SFI1: variants seen among roughly 807,000 people sequenced by gnomAD.
The protein encoded by SFI1 is SFI1 centrin binding protein.
A neutral mutation model predicts 207.5 loss-of-function variants in SFI1; 195 were observed. The observed-to-expected ratio is 0.94, with a 90% confidence interval of 0.84 to 1.06. The LOEUF (loss-of-function observed/expected upper bound fraction) is 1.06. Among genes scored for constraint, SFI1 ranks in the 50% least tolerant of loss-of-function variants. The pLI is 0.00. For missense variants in SFI1, 1,634 were observed against 1,588.0 expected (o/e 1.03, Z -0.49); for synonymous variants, 630 against 598.9 (o/e 1.05, Z -0.76).
At chr22:31,570,916 G>A (rs2062879096) in intron 8 of SFI1, among the ~76,000 whole-genome samples, 1 of 152,196 alleles carries the variant, frequency 6.6e-6, no homozygotes, top group South Asian at 2.1e-4. Flanking sequence ...AGACACTTCT[G>A]GCAGGTCAAG....
intron 8 of SFI1, among the ~76,000 whole-genome samples, chr22:31,563,881 C>G (rs2061983570): frequency 6.6e-6 from 1 of 150,998 alleles, no homozygotes; most frequent in Admixed American, 6.6e-5. Flanking sequence ...GCCACCACAC[C>G]CAGCCTACAC....
intron 4 of SFI1, among the ~76,000 whole-genome samples, chr22:31,534,249 T>C (rs1221727632): frequency 6.6e-6 from 1 of 152,180 alleles, no homozygotes; most frequent in African/African-American, 2.4e-5. Flanking sequence ...CACCTCGGCC[T>C]CCCAAAGTGC....
At chr22:31,552,507 C>T (rs903008979) in intron 6 of SFI1, among the ~76,000 whole-genome samples, 1 of 152,174 alleles carries the variant, frequency 6.6e-6, no homozygotes, top group African/African-American at 2.4e-5. Context: ...CTGCCTCGGC[C>T]TCCCAAAGTA....
At chr22:31,505,450 AAG>A (rs1482694314) in intron 1 of SFI1, among the ~76,000 whole-genome samples, 2 of 141,360 alleles carry the variant, frequency 1.4e-5, no homozygotes, top group African/African-American at 4.9e-5. Flanking sequence ...AAAAAAGAAA[AAG>A]AAAAAGAAAA....
chr22:31,617,063 C>A lies in SFI1; in HGVS notation c.3497C>A (p.Thr1166Asn). 6.2e-7 allele frequency: 1 copy of A among 1,614,040 alleles called. No homozygotes were observed. The highest frequency in any genetic ancestry group is 8.5e-7 in the Non-Finnish European group (1 of 1,180,014). Reference sequence around the variant, plus strand: ...CAGCAACTACTGCACTACCAGACCACCAAGCAGAACCTCTGGTGAGCCCTG... The same window carrying A: ...CAGCAACTACTGCACTACCAGACCAACAAGCAGAACCTCTGGTGAGCCCTG... ...IQQQLLHYQTTKQNLWSCRRQ... is the reference protein window; with the variant it reads ...IQQQLLHYQTNKQNLWSCRRQ... The change falls in exon 31 of 33, where the codon ACC (threonine) becomes AAC (asparagine). Residue 1166 changes from threonine to asparagine, a missense_variant. Coordinates refer to ENST00000400288, the MANE Select transcript of SFI1 (RefSeq NM_001007467.3).
intron 1 of SFI1, 52 bp downstream of exon 1, chr22:31,496,689 G>A (rs2052698840): frequency 6.6e-6 from 1 of 152,204 alleles, no homozygotes; most frequent in Non-Finnish European, 1.5e-5. Flanking sequence ...CGGCCTTTCC[G>A]GCAGTGAGCC....
chr22:31,522,004 A>T (rs1467885383), intron 2 of SFI1, among the ~76,000 whole-genome samples: 1 of 147,754 alleles, frequency 6.8e-6, no homozygotes, highest in Non-Finnish European at 1.5e-5. Context: ...GCCTCGAGGG[A>T]TCCACCTGCC....
At chr22:31,539,464 T>C (rs746576462) in intron 4 of SFI1, among the ~76,000 whole-genome samples, 11 of 152,230 alleles carry the variant, frequency 7.2e-5, no homozygotes, top group Non-Finnish European at 1.2e-4. Flanking sequence ...GTTCTCTGCA[T>C]GTTCCCTTTT....
intron 8 of SFI1, 70 bp from the exon 9 acceptor site, chr22:31,572,988 C>T (rs901251174): frequency 4.7e-6 from 7 of 1,500,708 alleles, no homozygotes; most frequent in African/African-American, 4.2e-5. Flanking sequence ...TTTCTCTTTT[C>T]CCTCTCCACC....
intron 12 of SFI1, 26 bp from the exon 13 acceptor site, chr22:31,583,849 T>C (rs1569383941): frequency 3.1e-6 from 5 of 1,596,468 alleles, no homozygotes; most frequent in Non-Finnish European, 4.3e-6. Flanking sequence ...TCAGTACATT[T>C]CCATCTTCTT....
At chr22:31,542,053 A>G (rs1490707928) in intron 4 of SFI1, among the ~76,000 whole-genome samples, 2 of 146,176 alleles carry the variant, frequency 1.4e-5, no homozygotes, top group African/African-American at 5.1e-5. Flanking sequence ...GTGAGCCGAG[A>G]TCACACCACT....
chr22:31,546,698 A>C (rs903857067), intron 4 of SFI1, among the ~76,000 whole-genome samples, 163 bp from the exon 5 acceptor site: 1 of 140,402 alleles, frequency 7.1e-6, no homozygotes, highest in African/African-American at 2.7e-5. Context: ...CGATCTCCTG[A>C]CCTTGTGATC....
intron 8 of SFI1, among the ~76,000 whole-genome samples, chr22:31,571,479 A>AT (rs976100643): frequency 0.055 from 7,784 of 142,262 alleles, 199 homozygotes; most frequent in African/African-American, 0.079. Flanking sequence ...TGCCTGGCTA[A>AT]TTTTTTTTTT....
chr22:31,609,131 G>A (rs574900594), intron 22 of SFI1, among the ~76,000 whole-genome samples: 68 of 152,072 alleles, frequency 4.5e-4, no homozygotes, highest in Non-Finnish European at 8.7e-4. Context: ...CCAGAGTAGC[G>A]GGGACTACAG....
chr22:31,503,252 G>T (rs2054102125), intron 1 of SFI1, among the ~76,000 whole-genome samples: 1 of 151,982 alleles, frequency 6.6e-6, no homozygotes, highest in South Asian at 2.1e-4. Flanking sequence ...GACTTTTCCA[G>T]TCTCCTGCCT....
At chr22:31,580,245 A>T in intron 11 of SFI1, 27 bp from the exon 12 acceptor site, 1 of 1,554,036 alleles carries the variant, frequency 6.4e-7, no homozygotes, top group East Asian at 2.2e-5. Flanking sequence ...CAGTCCTTGT[A>T]ATCAGTTGTG....
chr22:31,537,314 C>T (rs2059091301), intron 4 of SFI1, among the ~76,000 whole-genome samples: 1 of 152,142 alleles, frequency 6.6e-6, no homozygotes, highest in African/African-American at 2.4e-5. Context: ...TCTGCTTCTG[C>T]CTCATTGGCC....
At chr22:31,553,838 GTTTTTTTTT>G (rs58333559) in intron 6 of SFI1, among the ~76,000 whole-genome samples, 8 of 26,308 alleles carry the variant, frequency 3.0e-4, no homozygotes, top group South Asian at 1.9e-3. Flanking sequence ...AATGGATTAT[GTTTTTTTTT>G]TTTTTTTTTT....
intron 14 of SFI1, chr22:31,587,646 T>A (rs1454585638): frequency 1.3e-5 from 2 of 153,692 alleles, no homozygotes; most frequent in Non-Finnish European, 2.9e-5. Flanking sequence ...ATCCATGGAT[T>A]TTGGTATCTG....
Sources: gnomAD v4.1 joint callset for allele counts (sites outside exome capture counted in the v4.1 genomes callset) on GRCh38, gnomAD v4.1.1 for gene constraint, MANE v1.5 for transcripts, NCBI Gene and HGNC (gene_info 2026-07-23, HGNC 2026-07-21) for gene names.